The following PURG variants were observed in gnomAD, a reference collection of about 807,000 sequenced individuals.
PURG encodes purine rich element binding protein G, also known as purine-rich element-binding protein gamma.
A neutral mutation model predicts 24.3 loss-of-function variants in PURG; 3 were observed. That is an observed-to-expected ratio of 0.12 (90% CI 0.06 to 0.32). The LOEUF is 0.32. PURG is among the 10% of genes least tolerant of loss of function. The pLI, the probability that PURG is intolerant of heterozygous loss-of-function variation, is 1.00. For synonymous variants in PURG, 180 were observed against 173.1 expected (o/e 1.04, Z -0.31); for missense variants, 371 against 439.1 (o/e 0.84, Z 1.39).
chr8:31,018,279 C>T (rs959683056), intron 1 of PURG, among the ~76,000 whole-genome samples: 8 of 152,138 alleles, frequency 5.3e-5, no homozygotes, highest in African/African-American at 1.2e-4. Flanking sequence ...TAACAGAAGG[C>T]CTGAAGGCAA....
intron 1 of PURG, among the ~76,000 whole-genome samples, chr8:31,011,341 T>C (rs1810760431): frequency 6.6e-6 from 1 of 152,098 alleles, no homozygotes; most frequent in Admixed American, 6.5e-5. Flanking sequence ...AACCTAGGAC[T>C]CAGGTAGTCA....
At chr8:31,011,333 C>T (rs945694372) in intron 1 of PURG, among the ~76,000 whole-genome samples, 2 of 152,102 alleles carry the variant, frequency 1.3e-5, no homozygotes, top group African/African-American at 4.8e-5. Flanking sequence ...TCATCTCCAA[C>T]CTAGGACTCA....
intron 1 of PURG, among the ~76,000 whole-genome samples, chr8:31,023,227 A>G (rs1287458829): frequency 6.6e-6 from 1 of 152,224 alleles, no homozygotes; most frequent in Non-Finnish European, 1.5e-5. Context: ...AGACCAACCA[A>G]ATTGCTATTT....
intron 1 of PURG, among the ~76,000 whole-genome samples, chr8:31,020,577 C>A (rs942201744): frequency 6.6e-6 from 1 of 152,122 alleles, no homozygotes; most frequent in Non-Finnish European, 1.5e-5. Flanking sequence ...TCAGATTTCT[C>A]TCAAGATAGC....
chr8:31,021,930 G>A (rs1034832579), intron 1 of PURG, among the ~76,000 whole-genome samples: 8 of 151,234 alleles, frequency 5.3e-5, no homozygotes, highest in Non-Finnish European at 1.2e-4. Context: ...CTTTTAAAAT[G>A]GTCATGGTGA....
downstream of PURG, among the ~76,000 whole-genome samples, chr8:31,030,204 AAAG>A (rs1260669047): frequency 3.3e-5 from 5 of 152,050 alleles, no homozygotes; most frequent in African/African-American, 1.2e-4. Context: ...TTAGCATATA[AAAG>A]AAGAGCTACA....
Position 31,032,758 on chromosome 8 carries a change from C to G in PURG, c.25G>C (p.Gly9Arg). 1 of 1,438,980 alleles carries G rather than the reference C, an allele frequency of 6.9e-7. No individual in the cohort carries two copies. The highest frequency in any genetic ancestry group is 1.6e-5 in the South Asian group (1 of 63,608). The allele number at this position is 1,438,980 out of a possible 1,614,324, so 89.1% of individuals were successfully genotyped here. The change falls in exon 2 of 2, where the codon GGC becomes CGC. Residue 9 changes from glycine to arginine, a missense_variant. By Grantham distance (125) the Gly-to-Arg change is moderately radical. Around this residue, in one of 5 missense-constraint regions of PURG, gnomAD observed 213 missense variants for 230.6 expected, o/e 0.92. Transcript: ENST00000523392. The surrounding 1 kb of genome is among the most constrained non-coding windows in gnomAD (Gnocchi z 5.9). ...CCTCCGCGGCCGCGGCCGCCGCCGC[C>G]TCCCCTTCGCCTGGCTCTTTCCATC... MERARRRG[G>R]GGGRGRGGKN...
At position 31,032,887 on chromosome 8, in the gene PURG, C is replaced by T; in HGVS notation, c.-6-99G>A. On this transcript the variant is annotated intron_variant, in intron 1 of 1. Transcript: ENST00000523392. This position sits in a 1 kb window ranked among gnomAD's most constrained non-coding sequence, Gnocchi z 5.9. ...CTGACCGCCCCGCCGCCGCCCGCGA[C>T]CCCCACGCCGGGCCCGGCTCCCCCG... is the stretch of plus-strand genomic sequence containing the variant. 1.0e-6 allele frequency: 1 copy of T among 978,266 alleles called. No homozygotes were observed. Among genetic ancestry groups the T allele is most frequent in the Non-Finnish European group, 1.3e-6 (1 of 762,522 alleles). The allele number at this position is 978,266 out of a possible 1,614,324, so 60.6% of individuals were successfully genotyped here.
In PURG at chr8:31,033,121, A is replaced by G. The variant is rs1811287843; in HGVS notation, c.-50T>C. 5.0e-6 allele frequency: 1 copy of G among 199,288 alleles called. No individual in the cohort carries two copies. The allele number at this position is 199,288 out of a possible 1,614,324, so 12.3% of individuals were successfully genotyped here. ...GCCGCCGCCGATGCCCTTCACGACC[A>G]CCGCCGCCGCCACCGCCAGCTCTCG... On this transcript the variant is annotated 5_prime_UTR_variant, in exon 1 of 2. Coordinates refer to ENST00000523392, the MANE Select transcript of PURG (RefSeq NM_001323311.2).
At chr8:30,999,606 G>T (rs1810496577) in intron 1 of PURG, among the ~76,000 whole-genome samples, 1 of 151,918 alleles carries the variant, frequency 6.6e-6, no homozygotes, top group Non-Finnish European at 1.5e-5. Flanking sequence ...AAATAAAGTG[G>T]CATTAACCTT....
At chr8:31,013,705 C>G (rs1313103514) in intron 1 of PURG, among the ~76,000 whole-genome samples, 1 of 152,202 alleles carries the variant, frequency 6.6e-6, no homozygotes, top group Admixed American at 6.5e-5. Context: ...CCACTGCACT[C>G]CAGCCTGGGC....
chr8:31,012,941 G>A (rs940847672), intron 1 of PURG, among the ~76,000 whole-genome samples: 29 of 152,132 alleles, frequency 1.9e-4, no homozygotes, highest in African/African-American at 9.7e-5. Context: ...TAGCATTCAC[G>A]TTCACTTTAT....
In PURG at chr8:31,032,811, C is replaced by T. The variant is rs569457300; in HGVS notation, c.-6-23G>A. On this transcript the variant is annotated intron_variant, in intron 1 of 1. Coordinates refer to ENST00000523392, the MANE Select transcript of PURG (RefSeq NM_001323311.2). This position sits in a 1 kb window ranked among gnomAD's most constrained non-coding sequence, Gnocchi z 5.9. ...CAGCTGCAAGTAACAAACAGACACACGGGATGGGGTGGGGGAGGGGTGTTG... is the reference window on the plus strand; with the variant it reads ...CAGCTGCAAGTAACAAACAGACACATGGGATGGGGTGGGGGAGGGGTGTTG... The T allele has an allele frequency of 1.5e-5, 21 of 1,378,856 alleles. No homozygotes were observed. The highest frequency in any genetic ancestry group is 2.0e-5 in the Non-Finnish European group (21 of 1,061,682). The allele number at this position is 1,378,856 out of a possible 1,614,324, so 85.4% of individuals were successfully genotyped here. A position where few individuals can be genotyped will look rare whatever the true frequency, so the allele number is the denominator to read the frequency against.
intron 1 of PURG, among the ~76,000 whole-genome samples, chr8:31,016,489 A>G (rs1327917806): frequency 6.8e-6 from 1 of 146,374 alleles, no homozygotes; most frequent in Non-Finnish European, 1.5e-5. Context: ...AAAAATCATC[A>G]TTCCATGGTG....
At chr8:31,026,338 A>G (rs965606078), downstream of PURG, among the ~76,000 whole-genome samples, 1 of 151,638 alleles carries the variant, frequency 6.6e-6, no homozygotes, top group Non-Finnish European at 1.5e-5. Flanking sequence ...TTGTGAGGGG[A>G]ATACAGGAAG....
At chr8:31,027,691 T>C (rs1317530812), downstream of PURG, among the ~76,000 whole-genome samples, 1 of 151,708 alleles carries the variant, frequency 6.6e-6, no homozygotes, top group African/African-American at 2.4e-5. Context: ...TATCTATAGA[T>C]ATAAAATGAA....
In PURG at chr8:31,033,155, G is replaced by C. The variant is rs1811288777; in HGVS notation, c.-84C>G. ...GCCACCGCCAGCTCTCGGCCCCTCT[G>C]CTGCAGCCGCCGCAGCCGCCGCCCC... is the stretch of plus-strand genomic sequence containing the variant. On this transcript the variant is annotated 5_prime_UTR_variant, in exon 1 of 2. Transcript: ENST00000523392. 1 of 212,472 alleles carries C rather than the reference G, an allele frequency of 4.7e-6. No homozygotes were observed. The highest frequency in any genetic ancestry group is 2.4e-5 in the African/African-American group (1 of 41,658). The allele number at this position is 212,472 out of a possible 1,614,324, so 13.2% of individuals were successfully genotyped here.
downstream of PURG, among the ~76,000 whole-genome samples, chr8:31,026,400 T>A (rs1322137773): frequency 2.0e-5 from 3 of 151,606 alleles, no homozygotes; most frequent in South Asian, 6.2e-4. Flanking sequence ...ACTGAATATT[T>A]GTATATTTAA....
intron 1 of PURG, among the ~76,000 whole-genome samples, chr8:31,012,711 G>A (rs1406229636): frequency 2.0e-5 from 3 of 152,212 alleles, no homozygotes. Context: ...GGTCCACAGA[G>A]GCTAAATGAC....
Sources: gnomAD v4.1 joint callset for allele counts (sites outside exome capture counted in the v4.1 genomes callset) on GRCh38, gnomAD v4.1.1 for gene constraint, gnomAD v4.1.1 regional missense constraint, Gnocchi (gnomAD v3.1) non-coding constraint, MANE v1.5 for transcripts, NCBI Gene and HGNC (gene_info 2026-07-23, HGNC 2026-07-21) for gene names.